The following REEP1 variants were observed in gnomAD, a reference collection of about 807,000 sequenced individuals.
REEP1 encodes the protein receptor accessory protein 1.
Under a neutral mutation model 40.3 loss-of-function variants are expected in REEP1, and 22 were observed. The observed-to-expected ratio is 0.55, with a 90% CI of 0.39 to 0.78. REEP1 has a LOEUF of 0.78. Ranked by LOEUF, REEP1 falls within the 30% of genes least tolerant of loss-of-function variation. REEP1 has a pLI of 0.00. For missense variants in REEP1, 280 were observed against 361.1 expected (o/e 0.78, Z 1.82); for synonymous variants, 116 against 139.2 (o/e 0.83, Z 1.17).
At chr2:86,238,915 T>A (rs1675509931) in intron 5 of REEP1, among the ~76,000 whole-genome samples, 1 of 152,116 alleles carries the variant, frequency 6.6e-6, no homozygotes. Flanking sequence ...GGTCCACTTA[T>A]ACCTTGTTCA....
At chr2:86,276,494 T>C (rs1397265072) in intron 2 of REEP1, among the ~76,000 whole-genome samples, 4 of 152,172 alleles carry the variant, frequency 2.6e-5, no homozygotes, top group African/African-American at 9.7e-5. Context: ...AATAAGGCAA[T>C]AGGCTGATGC....
At chr2:86,241,082 C>A (rs374275661) in intron 5 of REEP1, among the ~76,000 whole-genome samples, 2 of 152,188 alleles carry the variant, frequency 1.3e-5, no homozygotes, top group Non-Finnish European at 2.9e-5. Flanking sequence ...CTGAGCCAGG[C>A]CCTTGCCCGG....
At chr2:86,265,678 C>T (rs1677093741) in intron 2 of REEP1, among the ~76,000 whole-genome samples, 2 of 152,014 alleles carry the variant, frequency 1.3e-5, no homozygotes, top group Admixed American at 1.3e-4. Context: ...AGTAGAATAA[C>T]TCAGAAACAG....
At chr2:86,329,474 C>T (rs1290820569) in intron 1 of REEP1, among the ~76,000 whole-genome samples, 1 of 152,108 alleles carries the variant, frequency 6.6e-6, no homozygotes, top group African/African-American at 2.4e-5. Context: ...ATCATAAAAA[C>T]TTGGGGTCAG....
chr2:86,338,046 C>A, upstream of REEP1: 3 of 1,537,260 alleles, frequency 2.0e-6, no homozygotes, highest in South Asian at 1.2e-5. Context: ...CTAACCTCTT[C>A]AGTCTGTCCG....
At chr2:86,305,763 G>A (rs1409520502) in intron 1 of REEP1, among the ~76,000 whole-genome samples, 3 of 152,056 alleles carry the variant, frequency 2.0e-5, no homozygotes, top group Non-Finnish European at 4.4e-5. Context: ...CTTTTCCTCT[G>A]TAGGAACTTT....
At chr2:86,311,209 G>C (rs1033548795) in intron 1 of REEP1, among the ~76,000 whole-genome samples, 8 of 152,194 alleles carry the variant, frequency 5.3e-5, no homozygotes, top group African/African-American at 1.9e-4. Context: ...GTGAGCACTA[G>C]AAAGGAAAGA....
intron 5 of REEP1, among the ~76,000 whole-genome samples, chr2:86,236,821 C>T (rs954553408): frequency 2.6e-5 from 4 of 152,156 alleles, no homozygotes; most frequent in African/African-American, 7.2e-5. Context: ...ACTGCAACTC[C>T]GCCTCCCGCG....
intron 1 of REEP1, among the ~76,000 whole-genome samples, chr2:86,323,738 A>G (rs1327342382): frequency 6.6e-6 from 1 of 152,212 alleles, no homozygotes; most frequent in Non-Finnish European, 1.5e-5. Flanking sequence ...AAGGTGGGGA[A>G]CTTGCCACGC....
Position 86,337,615 on chromosome 2 carries a change from C to G in REEP1, c.-105G>C. 2 of 1,122,624 alleles carry G rather than the reference C, an allele frequency of 1.8e-6. No individual in the cohort carries two copies. Among genetic ancestry groups the G allele is most frequent in the Non-Finnish European group, 2.2e-6 (2 of 918,156 alleles). The allele number at this position is 1,122,624 out of a possible 1,614,324, so 69.5% of individuals were successfully genotyped here. ...GGAACGTCAGTCAGCTCACGGCAGC[C>G]GCCGCCAGACTGAGCGCGCCCGCCG... On this transcript the variant is annotated 5_prime_UTR_variant, in exon 1 of 9. Coordinates refer to ENST00000538924, the MANE Select transcript of REEP1 (RefSeq NM_001371279.1). The surrounding 1 kb of genome is among the most constrained non-coding windows in gnomAD (Gnocchi z 5.8).
intron 2 of REEP1, among the ~76,000 whole-genome samples, chr2:86,270,341 C>T (rs1490339676): frequency 1.3e-5 from 2 of 152,172 alleles, no homozygotes; most frequent in East Asian, 1.9e-4. Flanking sequence ...GGACTACAGG[C>T]ATGCGCCACC....
intron 5 of REEP1, among the ~76,000 whole-genome samples, chr2:86,244,705 C>T (rs1248199272): frequency 2.0e-5 from 3 of 152,154 alleles, no homozygotes; most frequent in Non-Finnish European, 4.4e-5. Context: ...CTTTTGAAGC[C>T]AGAGCAACTG....
At chr2:86,227,292 C>T (rs1191898798) in intron 7 of REEP1, 71 bp downstream of exon 7, 10 of 1,199,086 alleles carry the variant, frequency 8.3e-6, no homozygotes, top group Non-Finnish European at 1.0e-5. Context: ...GGGTCAGGTG[C>T]CCACTCCTGG....
intron 1 of REEP1, among the ~76,000 whole-genome samples, chr2:86,325,186 T>C (rs1420313946): frequency 6.6e-6 from 1 of 152,190 alleles, no homozygotes; most frequent in East Asian, 1.9e-4. Context: ...AATTCAAGGC[T>C]GAAGTGAGCT....
At chr2:86,299,035 C>A (rs1558923465) in intron 1 of REEP1, among the ~76,000 whole-genome samples, 1 of 152,172 alleles carries the variant, frequency 6.6e-6, no homozygotes, top group Non-Finnish European at 1.5e-5. Context: ...CTTGATAGAG[C>A]TCAAAAGATA....
chr2:86,324,962 A>G (rs914771148), intron 1 of REEP1, among the ~76,000 whole-genome samples: 2 of 152,246 alleles, frequency 1.3e-5, no homozygotes, highest in African/African-American at 4.8e-5. Context: ...ACTGGCGATG[A>G]GTAAATGAGG....
Position 86,277,194 on chromosome 2 carries a change from G to T in REEP1, c.105+4976C>A, listed in dbSNP as rs566484105. Among the ~76,000 whole-genome samples the T allele has an allele frequency of 3.9e-5, 6 of 152,292 alleles. No homozygotes were observed. In the South Asian group the frequency reaches 1.2e-3, roughly 32 times the overall value. On this transcript the variant is annotated intron_variant, in intron 2 of 8. Coordinates refer to ENST00000538924, the MANE Select transcript of REEP1 (RefSeq NM_001371279.1). ...AGGACTGCTGCTACACAATGAGGCA[G>T]AAAGAAGAGCAGATGGAAGTCAAAC...
intron 1 of REEP1, among the ~76,000 whole-genome samples, chr2:86,310,961 G>A (rs1404021249): frequency 6.6e-6 from 1 of 152,192 alleles, no homozygotes; most frequent in Admixed American, 6.5e-5. Flanking sequence ...TGCTAGCAGT[G>A]TGTGCTTTGA....
rs1680582204 is a variant in REEP1 at position 86,327,734 on chromosome 2, A to AT, written c.32+9744dup. ...AGGCACCCGCCTCCACATCCGGCTA[A>AT]TTTTTTGTATTTTTAGTGCAGACGG... On this transcript the variant is annotated intron_variant, in intron 1 of 8. Transcript: ENST00000538924. Among the ~76,000 whole-genome samples, 3 of 151,810 alleles carry AT rather than the reference A, an allele frequency of 2.0e-5. No individual in the cohort carries two copies. In the South Asian group the frequency reaches 6.3e-4, roughly 32 times the overall value.
Sources: gnomAD v4.1 joint callset for allele counts (sites outside exome capture counted in the v4.1 genomes callset) on GRCh38, gnomAD v4.1.1 for gene constraint, Gnocchi (gnomAD v3.1) non-coding constraint, MANE v1.5 for transcripts, NCBI Gene and HGNC (gene_info 2026-07-23, HGNC 2026-07-21) for gene names.